Variants in GRIK1 observed in about 807,000 individuals in gnomAD.
GRIK1 encodes the protein glutamate receptor ionotropic, kainate 1.
A neutral mutation model predicts 105.7 loss-of-function variants in GRIK1; 69 were observed. The observed-to-expected ratio is 0.65, with a 90% CI of 0.54 to 0.80. GRIK1 has a LOEUF of 0.80. GRIK1 is among the 30% of genes least tolerant of loss of function. The probability of loss-of-function intolerance (pLI) is 0.00; values close to 1 mark genes in which losing one functional copy is unlikely to be tolerated. For synonymous variants in GRIK1, 438 were observed against 431.3 expected (o/e 1.02, Z -0.19); for missense variants, 1,109 against 1,167.3 (o/e 0.95, Z 0.73).
At chr21:29,740,280 C>T (rs2064894573) in intron 1 of GRIK1, among the ~76,000 whole-genome samples, 1 of 151,404 alleles carries the variant, frequency 6.6e-6, no homozygotes, top group Admixed American at 6.6e-5. Context: ...TGCAGTGGCA[C>T]AATCTCGGCT....
intron 1 of GRIK1, among the ~76,000 whole-genome samples, chr21:29,732,351 A>T (rs1569026164): frequency 6.6e-6 from 1 of 152,200 alleles, no homozygotes; most frequent in Admixed American, 6.5e-5. Context: ...GGCACACATT[A>T]TCCACCTTCC....
intron 1 of GRIK1, among the ~76,000 whole-genome samples, chr21:29,836,059 C>T (rs2067795714): frequency 1.3e-5 from 2 of 152,226 alleles, no homozygotes; most frequent in Non-Finnish European, 1.5e-5. Context: ...CCAAGCCTGG[C>T]AGGCTGCTGC....
intron 1 of GRIK1, among the ~76,000 whole-genome samples, chr21:29,798,210 G>C (rs1487151538): frequency 1.3e-5 from 2 of 152,082 alleles, no homozygotes; most frequent in Admixed American, 6.6e-5. Flanking sequence ...AGCTTTATTA[G>C]GTCTATCCTC....
chr21:29,898,905 G>A (rs573775932), intron 1 of GRIK1, among the ~76,000 whole-genome samples: 1 of 152,100 alleles, frequency 6.6e-6, no homozygotes, highest in African/African-American at 2.4e-5. Flanking sequence ...CTGGGAGGTG[G>A]AGGTTGCAGT....
chr21:29,785,305 G>A (rs571506322), intron 1 of GRIK1, among the ~76,000 whole-genome samples: 2 of 152,232 alleles, frequency 1.3e-5, no homozygotes, highest in East Asian at 1.9e-4. Context: ...GGCTCATGCC[G>A]TAATCCCAGA....
chr21:29,723,863 A>C (rs1457886967), intron 1 of GRIK1, among the ~76,000 whole-genome samples: 2 of 152,200 alleles, frequency 1.3e-5, no homozygotes, highest in Non-Finnish European at 2.9e-5. Flanking sequence ...TAAGCAAAGA[A>C]ACTAACTGCC....
At chr21:29,628,051 G>C (rs953179193) in intron 7 of GRIK1, among the ~76,000 whole-genome samples, 1 of 152,142 alleles carries the variant, frequency 6.6e-6, no homozygotes, top group African/African-American at 2.4e-5. Context: ...AGCCCTGATG[G>C]AATAACTGTA....
At chr21:29,583,939 G>A (rs1044369648) in intron 12 of GRIK1, among the ~76,000 whole-genome samples, 1 of 152,130 alleles carries the variant, frequency 6.6e-6, no homozygotes, top group Non-Finnish European at 1.5e-5. Flanking sequence ...AAGATAATCC[G>A]AAACTGCTAT....
intron 3 of GRIK1, among the ~76,000 whole-genome samples, chr21:29,684,298 CATCT>C (rs946101687): frequency 4.1e-5 from 6 of 146,824 alleles, no homozygotes; most frequent in African/African-American, 7.6e-5. Flanking sequence ...ATCTATCTAT[CATCT>C]ATCTACCGTT....
rs141278763 is a variant in GRIK1, at chr21:29,929,787, A to G, written c.118+9596T>C. On this transcript the variant is annotated intron_variant, in intron 1 of 17. Coordinates refer to ENST00000327783, the MANE Select transcript of GRIK1 (RefSeq NM_001330994.2). ...TGCTTAAAAAACTAAAAATAAAATT[A>G]TCATATGCTCCAGCAATCACACTTC... 4.7e-3 allele frequency among the ~76,000 whole-genome samples: 718 copies of G among 152,330 alleles called. 3 individuals are homozygous for G. Among genetic ancestry groups the G allele is most frequent in the Non-Finnish European group, 8.4e-3 (571 of 68,014 alleles).
intron 1 of GRIK1, among the ~76,000 whole-genome samples, chr21:29,760,899 G>A (rs1185588637): frequency 6.6e-6 from 1 of 152,212 alleles, no homozygotes; most frequent in Non-Finnish European, 1.5e-5. Flanking sequence ...TAGTAATTCA[G>A]ATGGAAAAGA....
chr21:29,666,809 T>C (rs1351684014), intron 4 of GRIK1, among the ~76,000 whole-genome samples: 1 of 152,226 alleles, frequency 6.6e-6, no homozygotes, highest in Non-Finnish European at 1.5e-5. Context: ...CAGGTTGCAA[T>C]AAGACGAGAA....
chr21:29,708,987 C>T (rs978742063), intron 1 of GRIK1, among the ~76,000 whole-genome samples: 5 of 151,920 alleles, frequency 3.3e-5, no homozygotes, highest in Admixed American at 2.0e-4. Context: ...AATATCTTGA[C>T]GTGTGGTATT....
chr21:29,780,543 G>A (rs2066066689), intron 1 of GRIK1, among the ~76,000 whole-genome samples: 1 of 152,166 alleles, frequency 6.6e-6, no homozygotes, highest in Non-Finnish European at 1.5e-5. Context: ...CCTGCCTGAA[G>A]TAGCGGAGAA....
At chr21:29,800,662 G>T (rs747068390) in intron 1 of GRIK1, among the ~76,000 whole-genome samples, 1 of 152,202 alleles carries the variant, frequency 6.6e-6, no homozygotes, top group African/African-American at 2.4e-5. Context: ...ACCCGTTCAC[G>T]CATTAGGCTT....
At chr21:29,794,137 G>T (rs541668301) in intron 1 of GRIK1, among the ~76,000 whole-genome samples, 1 of 152,186 alleles carries the variant, frequency 6.6e-6, no homozygotes, top group East Asian at 1.9e-4. Flanking sequence ...ACCAAAAATA[G>T]GATTTTGTTT....
At chr21:29,857,332 G>A (rs1417922576) in intron 1 of GRIK1, among the ~76,000 whole-genome samples, 2 of 152,218 alleles carry the variant, frequency 1.3e-5, no homozygotes, top group Admixed American at 6.5e-5. Context: ...TCTTTCCCAT[G>A]ATTTCACACT....
intron 1 of GRIK1, among the ~76,000 whole-genome samples, chr21:29,819,965 T>A (rs1352748895): frequency 6.6e-6 from 1 of 151,996 alleles, no homozygotes; most frequent in Admixed American, 6.6e-5. Flanking sequence ...AAGCAGAGGC[T>A]AGGCGTTCTG....
intron 1 of GRIK1, among the ~76,000 whole-genome samples, chr21:29,926,965 T>G (rs2071390603): frequency 6.6e-6 from 1 of 152,286 alleles, no homozygotes; most frequent in Admixed American, 6.5e-5. Context: ...TGATAGCATG[T>G]GTTCCCTGTT....
Sources: gnomAD v4.1 joint callset for allele counts (sites outside exome capture counted in the v4.1 genomes callset) on GRCh38, gnomAD v4.1.1 for gene constraint, MANE v1.5 for transcripts, NCBI Gene and HGNC (gene_info 2026-07-23, HGNC 2026-07-21) for gene names.